PDIA5: variants seen among roughly 807,000 people sequenced by gnomAD.
PDIA5 encodes protein disulfide isomerase family A member 5.
PDIA5 carries 58 observed loss-of-function variants against 77.6 expected under a neutral mutation model. The ratio of observed to expected loss-of-function variants is 0.75; its 90% CI spans 0.61 to 0.93. The LOEUF (loss-of-function observed/expected upper bound fraction) is 0.93. PDIA5 is among the 40% of genes least tolerant of loss of function. The pLI, the probability that PDIA5 is intolerant of heterozygous loss-of-function variation, is 0.00. For missense variants in PDIA5, 630 were observed against 647.7 expected, an observed-to-expected ratio of 0.97 and a Z score of 0.30; for synonymous variants, 250 against 252.1, an observed-to-expected ratio of 0.99 and a Z score of 0.08.
chr3:123,121,993 A>G (rs1935132196), intron 8 of PDIA5, among the ~76,000 whole-genome samples: 1 of 152,222 alleles, frequency 6.6e-6, no homozygotes, highest in South Asian at 2.1e-4. Flanking sequence ...GATGTCTGAG[A>G]AGGCAGACAG....
chr3:123,113,193 G>A (rs1310536006), intron 7 of PDIA5, among the ~76,000 whole-genome samples: 1 of 152,200 alleles, frequency 6.6e-6, no homozygotes, highest in African/African-American at 2.4e-5. Context: ...TCAACACATT[G>A]GTTAAATGAA....
chr3:123,128,164 C>T (rs1935285775), intron 10 of PDIA5, among the ~76,000 whole-genome samples: 1 of 152,242 alleles, frequency 6.6e-6, no homozygotes, highest in Admixed American at 6.5e-5. Context: ...ACCGCTAAAC[C>T]CTGTTTTCAG....
At position 123,161,977 on chromosome 3, in the gene PDIA5, A is replaced by C; in HGVS notation, c.*17A>C. On this transcript the variant is annotated 3_prime_UTR_variant, in exon 17 of 17. Transcript: ENST00000316218. ...GAGTTATAATTCCTGCCTCAGAAAA[A>C]GCTTTTCCATTACACTGTGAATGAT... is the stretch of plus-strand genomic sequence containing the variant. 6.8e-7 allele frequency: 1 copy of C among 1,474,714 alleles called. No individual in the cohort carries two copies. The highest frequency in any genetic ancestry group is 9.5e-7 in the Non-Finnish European group (1 of 1,054,286). 91.4% of individuals were successfully genotyped at this position (1,474,714 alleles called of 1,614,324 possible). A position where few individuals can be genotyped will look rare whatever the true frequency, so the allele number is the denominator to read the frequency against.
At chr3:123,159,543 C>T (rs1213674415) in intron 15 of PDIA5, among the ~76,000 whole-genome samples, 1 of 152,200 alleles carries the variant, frequency 6.6e-6, no homozygotes, top group Non-Finnish European at 1.5e-5. Flanking sequence ...AGTCTTCTGA[C>T]TTTTAAAGAG....
intron 14 of PDIA5, among the ~76,000 whole-genome samples, chr3:123,150,995 A>G (rs1935881041): frequency 6.6e-6 from 1 of 152,192 alleles, no homozygotes; most frequent in Non-Finnish European, 1.5e-5. Flanking sequence ...TCTCTCCCCC[A>G]GGTTACAGCT....
chr3:123,081,688 G>A (rs1012262055), intron 1 of PDIA5, among the ~76,000 whole-genome samples: 3 of 152,094 alleles, frequency 2.0e-5, no homozygotes, highest in Non-Finnish European at 2.9e-5. Flanking sequence ...GTCTTCCTCC[G>A]TTAGCAAGCT....
At chr3:123,084,826 C>G (rs867160271) in intron 1 of PDIA5, among the ~76,000 whole-genome samples, 1 of 152,186 alleles carries the variant, frequency 6.6e-6, no homozygotes, top group Non-Finnish European at 1.5e-5. Context: ...TGTCTCTCCA[C>G]GCGGGCAGCC....
intron 11 of PDIA5, among the ~76,000 whole-genome samples, chr3:123,133,139 G>T (rs1935411351): frequency 6.6e-6 from 1 of 152,212 alleles, no homozygotes; most frequent in South Asian, 2.1e-4. Context: ...AGAGCAGAGA[G>T]CTCATAGCTG....
At chr3:123,072,894 T>G (rs1441993623) in intron 1 of PDIA5, among the ~76,000 whole-genome samples, 2 of 132,982 alleles carry the variant, frequency 1.5e-5, no homozygotes, top group Non-Finnish European at 3.1e-5. Flanking sequence ...ATGGTTTATT[T>G]GCCCCCTACC....
chr3:123,079,384 G>T (rs1258593727), intron 1 of PDIA5, among the ~76,000 whole-genome samples: 2 of 152,138 alleles, frequency 1.3e-5, no homozygotes, highest in African/African-American at 4.8e-5. Flanking sequence ...GTTTCACTGT[G>T]TTGGCCAGGA....
Position 123,102,395 on chromosome 3 carries a change from C to T in PDIA5, c.258-16C>T, listed in dbSNP as rs1934623593. On this transcript the variant is annotated splice_polypyrimidine_tract_variant and intron_variant, in intron 3 of 16. Transcript: ENST00000316218. ...ACTTCAGGTAATAAATGGTTCCCAACATTTGTGTCTTCCAGTGATGCAGAG... is the reference window on the plus strand; with the variant it reads ...ACTTCAGGTAATAAATGGTTCCCAATATTTGTGTCTTCCAGTGATGCAGAG... The T allele has an allele frequency of 1.2e-6, 2 of 1,604,304 alleles. No individual in the cohort carries two copies. Among genetic ancestry groups the T allele is most frequent in the Non-Finnish European group, 1.7e-6 (2 of 1,171,044 alleles).
At chr3:123,080,845 G>A (rs1026428973) in intron 1 of PDIA5, among the ~76,000 whole-genome samples, 1 of 152,070 alleles carries the variant, frequency 6.6e-6, no homozygotes, top group African/African-American at 2.4e-5. Flanking sequence ...ATATTCCAGG[G>A]CCAGAGTATC....
intron 1 of PDIA5, among the ~76,000 whole-genome samples, chr3:123,081,146 A>G (rs900365928): frequency 2.0e-5 from 3 of 152,210 alleles, no homozygotes; most frequent in African/African-American, 7.2e-5. Flanking sequence ...CCACATGCCC[A>G]GGGAAACTCA....
rs372863307 is a variant in PDIA5 at position 123,069,716 on chromosome 3, G to T, written c.42+2510G>T. On this transcript the variant is annotated intron_variant, in intron 1 of 16. Coordinates refer to ENST00000316218, the MANE Select transcript of PDIA5 (RefSeq NM_006810.4). ...CGATCCACCCTCATGACCTAATTACGTACCAAGGGCCCCACCTCCTAACAC... is the reference window on the plus strand; with the variant it reads ...CGATCCACCCTCATGACCTAATTACTTACCAAGGGCCCCACCTCCTAACAC... Among the ~76,000 whole-genome samples, 13 of 152,100 alleles carry T rather than the reference G, an allele frequency of 8.5e-5. No individual in the cohort carries two copies. In the South Asian group the frequency reaches 1.2e-3, roughly 15 times the overall value.
rs141226358 is a variant in PDIA5 at position 123,161,904 on chromosome 3, C to G, written c.1504C>G (p.Arg502Gly). Residue 502 changes from arginine to glycine, a missense_variant, in exon 17 of 17, where the codon CGA becomes GGA. Transcript: ENST00000316218. ...RTELGFTNYIRALREGDHERL... is the reference protein window; with the variant it reads ...RTELGFTNYIGALREGDHERL... The stretch of plus-strand genomic sequence containing the variant: ...GGAATTGGGATTTACCAATTATATT[C>G]GAGCCCTCCGGGAGGGAGACCATGA... 1.3e-5 allele frequency: 21 copies of G among 1,601,044 alleles called. No individual in the cohort carries two copies. The African/African-American group carries it at 2.7e-4, about 20-fold the overall frequency.
chr3:123,156,387 TCTC>T (rs1936020226), intron 15 of PDIA5, among the ~76,000 whole-genome samples: 1 of 152,140 alleles, frequency 6.6e-6, no homozygotes, highest in East Asian at 1.9e-4. Context: ...AGAAGCGTTT[TCTC>T]CTCTGCCTGC....
chr3:123,133,714 G>T (rs1278449715), intron 11 of PDIA5, among the ~76,000 whole-genome samples: 3 of 152,116 alleles, frequency 2.0e-5, no homozygotes, highest in African/African-American at 7.2e-5. Flanking sequence ...CATTTGGCAG[G>T]GTTAGCCTTG....
intron 1 of PDIA5, among the ~76,000 whole-genome samples, chr3:123,075,078 T>C (rs2107904893): frequency 6.6e-6 from 1 of 152,376 alleles, no homozygotes; most frequent in Middle Eastern, 3.4e-3. Flanking sequence ...AACCTGTTGG[T>C]ATCTAATGTA....
intron 8 of PDIA5, among the ~76,000 whole-genome samples, chr3:123,121,986 G>A (rs1438539712): frequency 6.6e-6 from 1 of 152,218 alleles, no homozygotes; most frequent in Admixed American, 6.5e-5. Flanking sequence ...TCAGCAAGAT[G>A]TCTGAGAAGG....
Sources: allele counts gnomAD v4.1 joint callset (sites outside exome capture counted in the v4.1 genomes callset), GRCh38; gene constraint gnomAD v4.1.1; transcripts MANE v1.5; gene names NCBI Gene and HGNC (gene_info 2026-07-23, HGNC 2026-07-21).